Variants in CCDC77 observed in about 807,000 individuals in gnomAD.
The protein encoded by CCDC77 is coiled-coil domain containing 77.
Under a neutral mutation model 66.8 loss-of-function variants are expected in CCDC77, and 56 were observed. The observed-to-expected ratio is 0.84, with a 90% CI of 0.68 to 1.05. The LOEUF is 1.05. CCDC77 is among the 50% of genes least tolerant of loss of function. CCDC77 has a pLI of 0.00. For missense variants in CCDC77, 570 were observed against 576.8 expected (o/e 0.99, Z 0.12); for synonymous variants, 196 against 195.2 (o/e 1.00, Z -0.03).
chr12:430,532 A>G (rs1390122443), intron 6 of CCDC77, 132 bp from the exon 7 acceptor site: 7 of 721,714 alleles, frequency 9.7e-6, no homozygotes, highest in Non-Finnish European at 1.8e-5. Flanking sequence ...TGTCATGTGC[A>G]TGACATCCTT....
In CCDC77 at chr12:441,789, C is replaced by T. The variant is rs765636622; in HGVS notation, c.1336C>T (p.Arg446Trp). 3.5e-5 allele frequency: 57 copies of T among 1,612,052 alleles called. No homozygotes were observed. Among genetic ancestry groups the T allele is most frequent in the South Asian group, 1.3e-4 (12 of 90,980 alleles). ...QMLYKATVNARANQDLALLCE... is the reference protein window; with the variant it reads ...QMLYKATVNAWANQDLALLCE... ...AAACCCCTAGGCAACAGTTAATGCCCGGGCAAACCAGGATCTTGCCCTTCT... is the reference window on the plus strand; with the variant it reads ...AAACCCCTAGGCAACAGTTAATGCCTGGGCAAACCAGGATCTTGCCCTTCT... The change falls in exon 13 of 13, where the codon CGG becomes TGG. Residue 446 changes from arginine to tryptophan, a missense_variant. Coordinates refer to ENST00000239830, the MANE Select transcript of CCDC77 (RefSeq NM_032358.4).
intron 5 of CCDC77, among the ~76,000 whole-genome samples, chr12:427,485 T>G (rs1419501944): frequency 6.7e-6 from 1 of 149,802 alleles, no homozygotes; most frequent in Admixed American, 6.6e-5. Flanking sequence ...ATTTTTTTTT[T>G]TTTTTTTGAG....
upstream of CCDC77, among the ~76,000 whole-genome samples, chr12:398,735 T>C (rs1364854958): frequency 6.6e-6 from 1 of 151,858 alleles, no homozygotes; most frequent in African/African-American, 2.4e-5. Context: ...AAATGTTCTT[T>C]TTAAAATTTT....
intron 9 of CCDC77, among the ~76,000 whole-genome samples, chr12:437,064 G>A (rs1488340515): frequency 6.6e-6 from 1 of 152,100 alleles, no homozygotes; most frequent in African/African-American, 2.4e-5. Context: ...TCTTATCTGT[G>A]CACTCTGTTA....
rs565423045 is a variant in CCDC77, at chr12:433,301, A to C, written c.800A>C (p.Lys267Thr). ...GTTCAGCACCAGAGAAATCAGAACAAAATCAAAGAGCTAACCAAAAAGTGA... is the reference window on the plus strand; with the variant it reads ...GTTCAGCACCAGAGAAATCAGAACACAATCAAAGAGCTAACCAAAAAGTGA... ...IQVQHQRNQN[K>T]IKELTKNLHH... The change falls in exon 9 of 13, where the codon AAA becomes ACA. Residue 267 changes from lysine to threonine, a missense_variant. Physicochemically the swap from Lys to Thr is moderately conservative, Grantham distance 78 (BLOSUM62 -1). Coordinates refer to ENST00000239830, the MANE Select transcript of CCDC77 (RefSeq NM_032358.4). 7 of 1,614,102 alleles carry C rather than the reference A, an allele frequency of 4.3e-6. No individual in the cohort carries two copies. Among genetic ancestry groups the C allele is most frequent in the Non-Finnish European group, 5.1e-6 (6 of 1,180,002 alleles).
chr12:406,312 AAGG>A (rs984204483), intron 2 of CCDC77, among the ~76,000 whole-genome samples: 3 of 152,176 alleles, frequency 2.0e-5, no homozygotes, highest in African/African-American at 7.2e-5. Flanking sequence ...TTTAGCCCTG[AAGG>A]AGGAGAGGGA....
At chr12:435,395 T>G (rs544486917) in intron 9 of CCDC77, among the ~76,000 whole-genome samples, 1 of 152,358 alleles carries the variant, frequency 6.6e-6, no homozygotes, top group East Asian at 1.9e-4. Flanking sequence ...TCACATGTAT[T>G]CCGTTTCCCA....
chr12:425,578 G>A (rs1286498035), intron 5 of CCDC77, among the ~76,000 whole-genome samples: 1 of 151,984 alleles, frequency 6.6e-6, no homozygotes, highest in Non-Finnish European at 1.5e-5. Flanking sequence ...AGAACCTGAA[G>A]TCTCCTTTCG....
At position 408,525 on chromosome 12, in the gene CCDC77, C is replaced by T. The variant is rs187662377; in HGVS notation, c.-16-843C>T. Among the ~76,000 whole-genome samples, 142 of 152,186 alleles carry T rather than the reference C, an allele frequency of 9.3e-4. 1 individual carries two copies. Among genetic ancestry groups the T allele is most frequent in the African/African-American group, 3.1e-3 (129 of 41,518 alleles). On this transcript the variant is annotated intron_variant, in intron 2 of 12. Transcript: ENST00000239830. ...ACTCTGCCTTAATTTCTATTTACTA[C>T]TTCTGCTTTTGGAGAGGGGAGTGGG... is the stretch of plus-strand genomic sequence containing the variant.
At chr12:439,519 C>CA (rs371144805) in intron 10 of CCDC77, among the ~76,000 whole-genome samples, 40,146 of 137,808 alleles carry the variant, frequency 0.29, 5,787 homozygotes, top group Middle Eastern at 0.4. Context: ...GACTCCATCT[C>CA]AAAAAAAAAA....
chr12:438,217 C>T, intron 9 of CCDC77, 118 bp from the exon 10 acceptor site: 1 of 720,582 alleles, frequency 1.4e-6, no homozygotes, highest in Non-Finnish European at 2.3e-6. Context: ...TAATATTTTA[C>T]AAAATTTATA....
At chr12:425,857 TTTTGTTTGTTTG>T (rs941610317) in intron 5 of CCDC77, among the ~76,000 whole-genome samples, 3 of 151,970 alleles carry the variant, frequency 2.0e-5, no homozygotes, top group African/African-American at 7.3e-5. Context: ...TTTTTTTTGT[TTTTGTTTGTTTG>T]TTTGTTTGTT....
chr12:403,402 C>T lies in CCDC77; in HGVS notation c.-71+1718C>T, dbSNP rs114427044. On this transcript the variant is annotated intron_variant, in intron 1 of 12. Coordinates refer to ENST00000239830, the MANE Select transcript of CCDC77 (RefSeq NM_032358.4). ...ACTGAAATTTAGAGAGGATAACTTG[C>T]CTGAGGTACACAGCTAATAAGAGGC... Among the ~76,000 whole-genome samples the T allele has an allele frequency of 6.4e-3, 970 of 152,274 alleles. 7 individuals carry two copies. The highest frequency in any genetic ancestry group is 0.022 in the African/African-American group (906 of 41,546).
At position 441,858 on chromosome 12, in the gene CCDC77, G is replaced by A. The variant is rs1591998511; in HGVS notation, c.1405G>A (p.Gly469Arg). The change falls in exon 13 of 13, where the codon GGA becomes AGA. Residue 469 changes from glycine (G) to arginine (R), a missense_variant. Physicochemically the swap from Gly to Arg is moderately radical, Grantham distance 125. Coordinates refer to ENST00000239830, the MANE Select transcript of CCDC77 (RefSeq NM_032358.4). ...CAATAGACGGGCACATAAGATACAA[G>A]GAGAACTGAAGAATCTTAAGTCGAA... is the stretch of plus-strand genomic sequence containing the variant. ...DSNRRAHKIQ[G>R]ELKNLKSKVF... is the part of the protein sequence containing the mutation. 1.2e-6 allele frequency: 2 copies of A among 1,613,590 alleles called. No homozygotes were observed. The highest frequency in any genetic ancestry group is 1.7e-6 in the Non-Finnish European group (2 of 1,179,914).
chr12:400,248 G>A (rs1944878452), upstream of CCDC77, among the ~76,000 whole-genome samples: 2 of 152,226 alleles, frequency 1.3e-5, no homozygotes, highest in South Asian at 4.1e-4. Context: ...AGGGAATGCT[G>A]TGGCTGGTTT....
At chr12:432,951 GA>G (rs1347416078) in intron 8 of CCDC77, among the ~76,000 whole-genome samples, 1 of 152,196 alleles carries the variant, frequency 6.6e-6, no homozygotes, top group Non-Finnish European at 1.5e-5. Context: ...AGGACTGCTT[GA>G]GCCCAGGGGG....
intron 4 of CCDC77, among the ~76,000 whole-genome samples, chr12:414,880 A>G (rs1464250890): frequency 1.3e-5 from 2 of 152,142 alleles, no homozygotes; most frequent in Non-Finnish European, 2.9e-5. Flanking sequence ...CCTCCTTGCC[A>G]GTACCTGCCT....
In CCDC77 at chr12:433,333, A is replaced by G. The variant is rs749251711; in HGVS notation, c.821+11A>G. On this transcript the variant is annotated intron_variant, in intron 9 of 12. Transcript: ENST00000239830. ...AGAGCTAACCAAAAAGTGAGTGTCT[A>G]AGAAAGCTGTACCTAACGGGTATTG... 91 of 1,613,708 alleles carry G rather than the reference A, an allele frequency of 5.6e-5. 1 individual carries two copies. In the South Asian group the frequency reaches 9.3e-4, roughly 17 times the overall value.
At chr12:439,088 C>CAA (rs1008055299) in intron 10 of CCDC77, among the ~76,000 whole-genome samples, 1 of 151,794 alleles carries the variant, frequency 6.6e-6, no homozygotes, top group African/African-American at 2.4e-5. Context: ...AAAACAAACA[C>CAA]AAAAAAACAT....
Sources: allele counts gnomAD v4.1 joint callset (sites outside exome capture counted in the v4.1 genomes callset), GRCh38; gene constraint gnomAD v4.1.1; transcripts MANE v1.5; gene names NCBI Gene and HGNC (gene_info 2026-07-23, HGNC 2026-07-21).